The following TTC9 variants were observed in gnomAD, a reference collection of about 807,000 sequenced individuals.
TTC9 encodes tetratricopeptide repeat domain 9.
TTC9 carries 13 observed loss-of-function variants against 22.9 expected under a neutral mutation model. The observed-to-expected ratio is 0.57, with a 90% CI of 0.37 to 0.90. The LOEUF (loss-of-function observed/expected upper bound fraction) is 0.90. Ranked by LOEUF, TTC9 falls within the 40% of genes least tolerant of loss-of-function variation. The pLI is 0.01. For synonymous variants in TTC9, 148 were observed against 133.2 expected (o/e 1.11, Z -0.77); for missense variants, 280 against 291.8 (o/e 0.96, Z 0.29).
chr14:70,651,869 C>T (rs1054470968), intron 1 of TTC9, among the ~76,000 whole-genome samples: 3 of 152,148 alleles, frequency 2.0e-5, no homozygotes, highest in African/African-American at 4.8e-5. Flanking sequence ...CCGGAGCACC[C>T]GGAAGGAAGC....
intron 1 of TTC9, among the ~76,000 whole-genome samples, chr14:70,652,503 T>A (rs2139642403): frequency 6.6e-6 from 1 of 152,282 alleles, no homozygotes. Flanking sequence ...ATTCAACTAA[T>A]CAAGCAGCCA....
At chr14:70,659,130 A>ATG (rs1566699359) in intron 1 of TTC9, among the ~76,000 whole-genome samples, 1 of 111,290 alleles carries the variant, frequency 9.0e-6, no homozygotes, top group East Asian at 4.9e-4. Context: ...ACACACACAC[A>ATG]CGCACACACA....
intron 1 of TTC9, among the ~76,000 whole-genome samples, chr14:70,663,591 C>T (rs1376203425): frequency 6.6e-6 from 1 of 152,134 alleles, no homozygotes; most frequent in Admixed American, 6.5e-5. Flanking sequence ...AAGGTAAGGC[C>T]CCTCCTGCCT....
intron 1 of TTC9, among the ~76,000 whole-genome samples, chr14:70,650,166 C>T (rs551113708): frequency 8.5e-5 from 13 of 152,196 alleles, no homozygotes; most frequent in African/African-American, 3.1e-4. Context: ...TGGCTCACAG[C>T]GGTGCAGCAC....
chr14:70,657,168 G>A (rs1337543149), intron 1 of TTC9, among the ~76,000 whole-genome samples: 1 of 152,150 alleles, frequency 6.6e-6, no homozygotes, highest in Non-Finnish European at 1.5e-5. Context: ...GCCAACAGAG[G>A]GTAATTAAAA....
intron 2 of TTC9, among the ~76,000 whole-genome samples, 181 bp from the exon 3 acceptor site, chr14:70,670,895 G>A (rs1015509317): frequency 2.0e-5 from 3 of 152,012 alleles, no homozygotes; most frequent in Admixed American, 2.0e-4. Context: ...GCTAAGGGGA[G>A]ACAGTGAAGG....
Position 70,674,413 on chromosome 14 carries a change from A to C in TTC9, c.*3258A>C, listed in dbSNP as rs1566704941. 6.6e-6 allele frequency: 1 copy of C among 152,240 alleles called. No homozygotes were observed. Among genetic ancestry groups the C allele is most frequent in the Non-Finnish European group, 1.5e-5 (1 of 68,028 alleles). The allele number at this position is 152,240 out of a possible 1,614,324, so 9.4% of individuals were successfully genotyped here. A position where few individuals can be genotyped will look rare whatever the true frequency, so the allele number is the denominator to read the frequency against. ...TTTTAGTTCTTTTTGGTGTAAATGT[A>C]CACACGCACACACAGTTGTGGATTT... is the stretch of plus-strand genomic sequence containing the variant. On this transcript the variant is annotated 3_prime_UTR_variant, in exon 3 of 3. Transcript: ENST00000256367.
At chr14:70,660,931 C>A (rs1300327891) in intron 1 of TTC9, among the ~76,000 whole-genome samples, 1 of 152,240 alleles carries the variant, frequency 6.6e-6, no homozygotes, top group Non-Finnish European at 1.5e-5. Context: ...CTGGGCCCAT[C>A]TCACAAAGCA....
chr14:70,654,998 A>T (rs993847889), intron 1 of TTC9, among the ~76,000 whole-genome samples: 1 of 152,358 alleles, frequency 6.6e-6, no homozygotes, highest in Non-Finnish European at 1.5e-5. Flanking sequence ...TTTTCAGTTT[A>T]CTATGGTTCC....
At chr14:70,658,762 C>T (rs1004998023) in intron 1 of TTC9, among the ~76,000 whole-genome samples, 1 of 152,154 alleles carries the variant, frequency 6.6e-6, no homozygotes, top group Admixed American at 6.5e-5. Context: ...CCTGACTATT[C>T]CTATCAACTT....
rs1365194499 is a variant in TTC9, at chr14:70,673,679, G to C, written c.*2524G>C. 2 of 151,900 alleles carry C rather than the reference G, an allele frequency of 1.3e-5. No homozygotes were observed. The highest frequency in any genetic ancestry group is 4.8e-5 in the African/African-American group (2 of 41,290). 9.4% of individuals were successfully genotyped at this position (151,900 alleles called of 1,614,324 possible). A position where few individuals can be genotyped will look rare whatever the true frequency, so the allele number is the denominator to read the frequency against. ...AAGAGAAGGGTAGAGGTCACCTGGA[G>C]AATGAGTTCAAACTGCCAGGGTCTT... On this transcript the variant is annotated 3_prime_UTR_variant, in exon 3 of 3. Transcript: ENST00000256367.
At position 70,674,600 on chromosome 14, in the gene TTC9, T is replaced by C. The variant is rs893228080; in HGVS notation, c.*3445T>C. 1 of 152,250 alleles carries C rather than the reference T, an allele frequency of 6.6e-6. No homozygotes were observed. The highest frequency in any genetic ancestry group is 2.4e-5 in the African/African-American group (1 of 41,466). The allele number at this position is 152,250 out of a possible 1,614,324, so 9.4% of individuals were successfully genotyped here. ...TCTCCCTACCCCGTCTGCCAGCATC[T>C]AGTTTCCCTCTAATTTATTTTGCAT... On this transcript the variant is annotated 3_prime_UTR_variant, in exon 3 of 3. Transcript: ENST00000256367.
chr14:70,668,475 CAAGCAAACAAA>C (rs1886246310), intron 2 of TTC9, among the ~76,000 whole-genome samples: 1 of 152,138 alleles, frequency 6.6e-6, no homozygotes, highest in Admixed American at 6.6e-5. Context: ...AACCAGTAAA[CAAGCAAACAAA>C]TAGTAAACAA....
chr14:70,649,062 A>G (rs1305212603), intron 1 of TTC9, among the ~76,000 whole-genome samples: 2 of 152,196 alleles, frequency 1.3e-5, no homozygotes, highest in Non-Finnish European at 2.9e-5. Flanking sequence ...CAAACCCTAT[A>G]TAGGTACATG....
rs1303821038 is a variant in TTC9 at position 70,642,174 on chromosome 14, C to T, written c.45C>T (p.Ser15=). 8.3e-7 allele frequency: 1 copy of T among 1,202,276 alleles called. No individual in the cohort carries two copies. The highest frequency in any genetic ancestry group is 1.0e-6 in the Non-Finnish European group (1 of 962,906). 74.5% of individuals were successfully genotyped at this position (1,202,276 alleles called of 1,614,324 possible). ...GSAAGAKGNP[S]PPAAGEGQRP... is the part of the protein sequence containing the mutation. Reference sequence around the variant, plus strand: ...CGGCCGGGGCCAAGGGGAACCCGAGCCCGCCCGCGGCCGGAGAGGGGCAGC... The same window carrying T: ...CGGCCGGGGCCAAGGGGAACCCGAGTCCGCCCGCGGCCGGAGAGGGGCAGC... Residue 15 remains serine, a synonymous_variant, in exon 1 of 3, where the codon AGC becomes AGT. Transcript: ENST00000256367.
At chr14:70,670,925 GC>G (rs1886284864) in intron 2 of TTC9, 150 bp from the exon 3 acceptor site, 1 of 612,376 alleles carries the variant, frequency 1.6e-6, no homozygotes, top group African/African-American at 1.9e-5. Context: ...ACATCTAGTT[GC>G]CCTCTCAGCC....
chr14:70,665,932 A>G (rs1272003077), intron 1 of TTC9, among the ~76,000 whole-genome samples: 1 of 152,144 alleles, frequency 6.6e-6, no homozygotes, highest in Non-Finnish European at 1.5e-5. Flanking sequence ...CCAGCCACCC[A>G]GCCGGGTTGT....
chr14:70,647,021 C>G (rs1885910581), intron 1 of TTC9, among the ~76,000 whole-genome samples: 1 of 152,160 alleles, frequency 6.6e-6, no homozygotes, highest in African/African-American at 2.4e-5. Context: ...TTTGTTCTCT[C>G]TTTCTCTTGA....
intron 1 of TTC9, among the ~76,000 whole-genome samples, chr14:70,659,878 A>G (rs189574476): frequency 6.6e-6 from 1 of 152,168 alleles, no homozygotes; most frequent in South Asian, 2.1e-4. Context: ...ACTTACTAGC[A>G]TTGTGACTTT....
Sources: gnomAD v4.1 joint callset for allele counts (sites outside exome capture counted in the v4.1 genomes callset) on GRCh38, gnomAD v4.1.1 for gene constraint, MANE v1.5 for transcripts, NCBI Gene and HGNC (gene_info 2026-07-23, HGNC 2026-07-21) for gene names.